The following UGT2B7 variants were observed in gnomAD, a reference collection of about 807,000 sequenced individuals.
UGT2B7 encodes UDP glucuronosyltransferase family 2 member B7.
UGT2B7 carries 51 observed loss-of-function variants against 51.9 expected under a neutral mutation model. The ratio of observed to expected loss-of-function variants is 0.98; its 90% confidence interval spans 0.78 to 1.24. The LOEUF is 1.24. Ranked by LOEUF, UGT2B7 falls within the 50% of genes most tolerant of loss-of-function variation. UGT2B7 has a pLI of 0.00. For missense variants in UGT2B7, 727 were observed against 628.4 expected (o/e 1.16, Z -1.68); for synonymous variants, 225 against 211.6 (o/e 1.06, Z -0.55).
At chr4:69,074,166 G>A (rs1718654900) in intron 1 of UGT2B7, among the ~76,000 whole-genome samples, 1 of 152,068 alleles carries the variant, frequency 6.6e-6, no homozygotes, top group African/African-American at 2.4e-5. Context: ...CATAATGAGA[G>A]CTCATCACTA....
chr4:69,100,972 A>G (rs902591559), intron 2 of UGT2B7, among the ~76,000 whole-genome samples: 25 of 152,098 alleles, frequency 1.6e-4, no homozygotes, highest in Admixed American at 1.4e-3. Context: ...AAAAAAATTA[A>G]TCAAGGTGTA....
intron 1 of UGT2B7, among the ~76,000 whole-genome samples, chr4:69,065,731 A>C (rs1448774755): frequency 6.6e-6 from 1 of 152,218 alleles, no homozygotes; most frequent in East Asian, 1.9e-4. Flanking sequence ...CTTATGGAAC[A>C]AATGAATATA....
Position 69,108,100 on chromosome 4 carries a change from T to G in UGT2B7, c.1091-3T>G, listed in dbSNP as rs752295609. ...AATTTTGCTAAAATTCATCCAATCCTAGGTCATCCAAAGACCAGAGCTTTT... is the reference window on the plus strand; with the variant it reads ...AATTTTGCTAAAATTCATCCAATCCGAGGTCATCCAAAGACCAGAGCTTTT... On this transcript the variant is annotated splice_region_variant and splice_polypyrimidine_tract_variant and intron_variant, in intron 4 of 5. Coordinates refer to ENST00000305231, the MANE Select transcript of UGT2B7 (RefSeq NM_001074.4). 6.2e-7 allele frequency: 1 copy of G among 1,613,454 alleles called. No homozygotes were observed. Among genetic ancestry groups the G allele is most frequent in the South Asian group, 1.1e-5 (1 of 91,072 alleles).
Position 69,098,520 on chromosome 4 carries a change from T to TA in UGT2B7, c.722-20_722-19insA. On this transcript the variant is annotated intron_variant, in intron 1 of 5. Coordinates refer to ENST00000305231, the MANE Select transcript of UGT2B7 (RefSeq NM_001074.4). ...TAATTATCTTGTGTCATCCACCTTT[T>TA]TTTTTTCTATTCCTGTCAGGAAGAC... 1 of 1,585,454 alleles carries TA rather than the reference T, an allele frequency of 6.3e-7. No homozygotes were observed.
upstream of UGT2B7, among the ~76,000 whole-genome samples, chr4:69,095,956 G>T (rs1159603703): frequency 3.9e-5 from 6 of 152,096 alleles, no homozygotes; most frequent in Admixed American, 3.9e-4. Flanking sequence ...CAGAAACTAG[G>T]GGTGGAGAGA....
rs1004652217 is a variant in UGT2B7, at chr4:69,108,108, C to G, written c.1096C>G (p.Pro366Ala). Residue 366 changes from proline (P) to alanine (A), a missense_variant, in exon 5 of 6, where the codon CCA becomes GCA. Coordinates refer to ENST00000305231, the MANE Select transcript of UGT2B7 (RefSeq NM_001074.4). ...TAAAATTCATCCAATCCTAGGTCAT[C>G]CAAAGACCAGAGCTTTTATAACTCA... ...WIPQNDLLGH[P>A]KTRAFITHGG... 1 of 1,613,374 alleles carries G rather than the reference C, an allele frequency of 6.2e-7. No homozygotes were observed. Among genetic ancestry groups the G allele is most frequent in the African/African-American group, 1.3e-5 (1 of 74,882 alleles).
intron 1 of UGT2B7, among the ~76,000 whole-genome samples, chr4:69,079,812 C>A (rs1213259610): frequency 1.3e-5 from 2 of 151,868 alleles, no homozygotes; most frequent in South Asian, 4.1e-4. Context: ...ATCTTAAAAC[C>A]TGACTTTGGC....
intron 3 of UGT2B7, 88 bp downstream of exon 3, chr4:69,103,026 A>T (rs1577924620): frequency 6.5e-7 from 1 of 1,539,012 alleles, no homozygotes; most frequent in African/African-American, 1.4e-5. Flanking sequence ...CTTCTGATAA[A>T]TGTGAAGTTG....
chr4:69,097,203 A>G lies in UGT2B7; in HGVS notation c.683A>G (p.Asp228Gly). 6.2e-7 allele frequency: 1 copy of G among 1,612,634 alleles called. No homozygotes were observed. The part of the protein sequence containing the change: ...LYFDFWFEIF[D>G]MKKWDQFYSE... ...TTTGACTTTTGGTTCGAAATATTTG[A>G]CATGAAGAAGTGGGATCAGTTTTAT... is the stretch of plus-strand genomic sequence containing the variant. The change falls in exon 1 of 6, where the codon GAC becomes GGC. Residue 228 changes from aspartate (D) to glycine (G), a missense_variant. Coordinates refer to ENST00000305231, the MANE Select transcript of UGT2B7 (RefSeq NM_001074.4).
intron 1 of UGT2B7, among the ~76,000 whole-genome samples, chr4:69,072,664 G>A (rs933166536): frequency 1.3e-5 from 2 of 151,990 alleles, no homozygotes; most frequent in Non-Finnish European, 2.9e-5. Context: ...CTGAATAACA[G>A]TAAAGAGCAG....
chr4:69,069,034 A>G (rs954619436), intron 1 of UGT2B7, among the ~76,000 whole-genome samples: 3 of 151,922 alleles, frequency 2.0e-5, no homozygotes, highest in African/African-American at 7.2e-5. Context: ...TACTCACAAA[A>G]ATCAGGCAAG....
chr4:69,083,945 T>C (rs1338236721), intron 1 of UGT2B7, among the ~76,000 whole-genome samples: 1 of 152,146 alleles, frequency 6.6e-6, no homozygotes, highest in Non-Finnish European at 1.5e-5. Flanking sequence ...TGGACATCTT[T>C]GTCTTGTTCC....
intron 5 of UGT2B7, among the ~76,000 whole-genome samples, 195 bp downstream of exon 5, chr4:69,108,517 C>T (rs1719680860): frequency 6.6e-6 from 1 of 151,738 alleles, no homozygotes; most frequent in Non-Finnish European, 1.5e-5. Context: ...AAAGAATAGC[C>T]AGTTAGTGAA....
chr4:69,078,856 C>T (rs1718773667), intron 1 of UGT2B7, among the ~76,000 whole-genome samples: 1 of 152,138 alleles, frequency 6.6e-6, no homozygotes, highest in African/African-American at 2.4e-5. Flanking sequence ...CAATAGGAGT[C>T]TGCACCGCCT....
chr4:69,107,366 A>T, intron 4 of UGT2B7, 104 bp downstream of exon 4: 4 of 1,285,260 alleles, frequency 3.1e-6, no homozygotes, highest in Non-Finnish European at 4.3e-6. Flanking sequence ...AAGGAAAAAC[A>T]AAATGTAACT....
chr4:69,057,425 GTGATGAGGTT>G (rs1380232889), intron 1 of UGT2B7, among the ~76,000 whole-genome samples: 2 of 152,174 alleles, frequency 1.3e-5, no homozygotes, highest in African/African-American at 4.8e-5. Context: ...AAGGAACTGA[GTGATGAGGTT>G]TGTTTAAAAA....
intron 2 of UGT2B7, among the ~76,000 whole-genome samples, chr4:69,100,103 A>G (rs1281942612): frequency 1.3e-5 from 2 of 152,086 alleles, no homozygotes; most frequent in Non-Finnish European, 2.9e-5. Context: ...AGAGATTTAC[A>G]TATTACAGCA....
chr4:69,073,738 A>G (rs1159655293), intron 1 of UGT2B7, among the ~76,000 whole-genome samples: 1 of 25,422 alleles, frequency 3.9e-5, no homozygotes, highest in African/African-American at 2.8e-4. Context: ...TAGAAACAAG[A>G]GAGCTTTGGA....
intron 1 of UGT2B7, 24 bp from the exon 2 acceptor site, chr4:69,098,516 C>CTTTTTTTTT: frequency 6.8e-7 from 1 of 1,474,866 alleles, no homozygotes. Context: ...TGTCATCCAC[C>CTTTTTTTTT]TTTTTTTTTT....
Sources: allele counts gnomAD v4.1 joint callset (sites outside exome capture counted in the v4.1 genomes callset), GRCh38; gene constraint gnomAD v4.1.1; transcripts MANE v1.5; gene names NCBI Gene and HGNC (gene_info 2026-07-23, HGNC 2026-07-21).